The following MEP1B variants were observed in gnomAD, a reference collection of about 807,000 sequenced individuals.
The protein encoded by MEP1B is N-benzoyl-L-tyrosyl-P-amino-benzoic acid hydrolase subunit beta.
MEP1B carries 80 observed loss-of-function variants against 84.6 expected under a neutral mutation model. That is an observed-to-expected ratio of 0.95 (90% CI 0.79 to 1.14). MEP1B has a LOEUF of 1.14. MEP1B is among the 50% of genes most tolerant of loss of function. The probability of loss-of-function intolerance (pLI) is 0.00; values close to 1 mark genes in which losing one functional copy is unlikely to be tolerated. For missense variants in MEP1B, 766 were observed against 855.1 expected (o/e 0.90, Z 1.30); for synonymous variants, 273 against 288.1 (o/e 0.95, Z 0.53).
intron 5 of MEP1B, 65 bp from the exon 6 acceptor site, chr18:32,202,828 C>T (rs766448419): frequency 1.7e-4 from 165 of 989,634 alleles, no homozygotes; most frequent in Non-Finnish European, 2.4e-4. Flanking sequence ...TGGCCTGCTT[C>T]CATGGAAGAT....
chr18:32,210,415 C>T (rs2241891), intron 9 of MEP1B, 86 bp from the exon 10 acceptor site: 413,392 of 1,125,206 alleles, frequency 0.37, 81,182 homozygotes, highest in African/African-American at 0.65. Context: ...TTATGCCTCG[C>T]GTAAAGAATC....
Position 32,210,487 on chromosome 18 carries a change from CT to C in MEP1B, c.920-10del, listed in dbSNP as rs2041013609. 1 of 1,610,094 alleles carries C rather than the reference CT, an allele frequency of 6.2e-7. No homozygotes were observed. Among genetic ancestry groups the C allele is most frequent in the African/African-American group, 1.3e-5 (1 of 74,854 alleles). On this transcript the variant is annotated splice_polypyrimidine_tract_variant and intron_variant, in intron 9 of 14. Coordinates refer to ENST00000269202, the MANE Select transcript of MEP1B (RefSeq NM_005925.3). ...AGTATCTGTTTTTCTCTCAATTCTG[CT>C]TTTCTTTAACAGGTTCTGGTTTCTT...
intron 5 of MEP1B, among the ~76,000 whole-genome samples, chr18:32,195,763 C>T (rs558297849): frequency 2.0e-5 from 3 of 152,256 alleles, no homozygotes; most frequent in Non-Finnish European, 4.4e-5. Context: ...AGGGACATAA[C>T]GATTAGGGAG....
In MEP1B at chr18:32,192,813, A is replaced by G. The variant is rs985615647; in HGVS notation, c.167A>G (p.Asp56Gly). ...CTTTTTGAGGGTGACATCAGACTTG[A>G]TAGGGTGAGTTGAAACAGTATAAGG... is the stretch of plus-strand genomic sequence containing the variant. ...LDLFEGDIRL[D>G]RAQIRNSIIG... Residue 56 changes from aspartate (D) to glycine (G), a missense_variant, in exon 4 of 15, where the codon GAT becomes GGT. Physicochemically the swap from Asp to Gly is moderately conservative, Grantham distance 94. Coordinates refer to ENST00000269202, the MANE Select transcript of MEP1B (RefSeq NM_005925.3). The G allele has an allele frequency of 1.2e-6, 2 of 1,611,824 alleles. No homozygotes were observed. The highest frequency in any genetic ancestry group is 2.7e-5 in the African/African-American group (2 of 74,866).
At chr18:32,204,154 C>A (rs751059747) in intron 6 of MEP1B, 28 bp from the exon 7 acceptor site, 1 of 1,585,376 alleles carries the variant, frequency 6.3e-7, no homozygotes, top group South Asian at 1.1e-5. Flanking sequence ...ACATTCTCTT[C>A]CCCCTTTCTT....
chr18:32,210,075 A>G (rs1261798928), intron 9 of MEP1B, among the ~76,000 whole-genome samples: 1 of 152,124 alleles, frequency 6.6e-6, no homozygotes, highest in Non-Finnish European at 1.5e-5. Flanking sequence ...TTCCACTTGG[A>G]GCTGGACCAG....
rs956724294 is a variant in MEP1B, at chr18:32,196,339, C to T, written c.250+854C>T. On this transcript the variant is annotated intron_variant, in intron 5 of 14. Coordinates refer to ENST00000269202, the MANE Select transcript of MEP1B (RefSeq NM_005925.3). This position sits in a 1 kb window ranked among gnomAD's most constrained non-coding sequence, Gnocchi z 4.4. ...GTTGCGGTAGATCTCATGCATGGCG[C>T]GCCGCAGGGCCACGGCCAGCTGGGT... 6.4e-5 allele frequency: 45 copies of T among 702,384 alleles called. No individual in the cohort carries two copies. Among genetic ancestry groups the T allele is most frequent in the African/African-American group, 5.3e-4 (30 of 57,002 alleles). 43.5% of individuals were successfully genotyped at this position (702,384 alleles called of 1,614,324 possible).
chr18:32,216,069 A>G (rs962710661), intron 12 of MEP1B, among the ~76,000 whole-genome samples: 21 of 150,478 alleles, frequency 1.4e-4, no homozygotes, highest in African/African-American at 5.1e-4. Context: ...TAAATTTCTT[A>G]CACCTGGCAG....
At chr18:32,209,606 G>C (rs1248052080) in intron 9 of MEP1B, among the ~76,000 whole-genome samples, 1 of 152,106 alleles carries the variant, frequency 6.6e-6, no homozygotes, top group Non-Finnish European at 1.5e-5. Context: ...AGATAAGTGG[G>C]AGGTGCCTCT....
At chr18:32,204,064 G>GT (rs1187604288) in intron 6 of MEP1B, 118 bp from the exon 7 acceptor site, 1 of 813,696 alleles carries the variant, frequency 1.2e-6, no homozygotes, top group Non-Finnish European at 2.0e-6. Context: ...GTGTTCAGAT[G>GT]TAAGAGCAAA....
chr18:32,201,895 T>C (rs1346175202), intron 5 of MEP1B, among the ~76,000 whole-genome samples: 1 of 152,202 alleles, frequency 6.6e-6, no homozygotes, highest in Non-Finnish European at 1.5e-5. Context: ...TGAATGTCTA[T>C]GCAATGGTTA....
chr18:32,216,609 G>A (rs995319148), intron 12 of MEP1B, among the ~76,000 whole-genome samples: 11 of 152,240 alleles, frequency 7.2e-5, no homozygotes, highest in Non-Finnish European at 1.6e-4. Context: ...ATGTGGTTGA[G>A]TTGGAGCCCC....
At chr18:32,191,798 T>C (rs751890870) in intron 1 of MEP1B, 24 bp from the exon 2 acceptor site, 2 of 1,481,574 alleles carry the variant, frequency 1.3e-6, no homozygotes, top group Non-Finnish European at 1.8e-6. Context: ...AATAATATGT[T>C]TTGTTTATGT....
intron 6 of MEP1B, 72 bp downstream of exon 6, chr18:32,203,082 T>A: frequency 1.1e-6 from 1 of 877,250 alleles, no homozygotes; most frequent in Non-Finnish European, 1.8e-6. Flanking sequence ...ATTGCAGCAA[T>A]CATCCTAGGC....
Position 32,196,079 on chromosome 18 carries a change from G to A in MEP1B, c.250+594G>A. ...TTGGCAGCCCGGGGCTGGGAACCCA[G>A]GTCCTCTGGTGCCCCCGCTGGCTCG... On this transcript the variant is annotated intron_variant, in intron 5 of 14. Coordinates refer to ENST00000269202, the MANE Select transcript of MEP1B (RefSeq NM_005925.3). This position sits in a 1 kb window ranked among gnomAD's most constrained non-coding sequence, Gnocchi z 4.4. 2.2e-6 allele frequency: 1 copy of A among 459,220 alleles called. No individual in the cohort carries two copies. The highest frequency in any genetic ancestry group is 2.0e-5 in the South Asian group (1 of 49,300). The allele number at this position is 459,220 out of a possible 1,614,324, so 28.4% of individuals were successfully genotyped here.
At chr18:32,208,311 G>A (rs972874046) in intron 9 of MEP1B, 40 bp downstream of exon 9, 4 of 1,526,072 alleles carry the variant, frequency 2.6e-6, no homozygotes, top group Non-Finnish European at 3.6e-6. Context: ...ATACTCAGTG[G>A]CTACAGCCAC....
intron 11 of MEP1B, among the ~76,000 whole-genome samples, chr18:32,214,835 G>A (rs1043592613): frequency 6.6e-6 from 1 of 152,132 alleles, no homozygotes; most frequent in Non-Finnish European, 1.5e-5. Flanking sequence ...TGGTACCTAG[G>A]AAACTTCTGG....
intron 7 of MEP1B, 103 bp downstream of exon 7, chr18:32,204,463 G>T (rs1468194680): frequency 2.1e-6 from 2 of 962,468 alleles, no homozygotes; most frequent in African/African-American, 3.3e-5. Flanking sequence ...TTAAAACTTT[G>T]ATGTTTTGAT....
chr18:32,217,774 G>A lies in MEP1B; in HGVS notation c.1900G>A (p.Glu634Lys). 6.2e-7 allele frequency: 1 copy of A among 1,613,152 alleles called. No homozygotes were observed. Among genetic ancestry groups the A allele is most frequent in the Non-Finnish European group, 8.5e-7 (1 of 1,179,304 alleles). ...GKAECRCQSGEDWWYMGERCE... is the reference protein window; with the variant it reads ...GKAECRCQSGKDWWYMGERCE... ...CTCAACATGCAGGTGCCAGTCAGGGGAAGACTGGTGGTACATGGGAGAAAG... is the reference window on the plus strand; with the variant it reads ...CTCAACATGCAGGTGCCAGTCAGGGAAAGACTGGTGGTACATGGGAGAAAG... The change falls in exon 14 of 15, where the codon GAA becomes AAA. Residue 634 changes from glutamate to lysine, a missense_variant. Physicochemically the swap from Glu to Lys is moderately conservative, Grantham distance 56 (BLOSUM62 1). Coordinates refer to ENST00000269202, the MANE Select transcript of MEP1B (RefSeq NM_005925.3).
Sources: allele counts gnomAD v4.1 joint callset (sites outside exome capture counted in the v4.1 genomes callset), GRCh38; gene constraint gnomAD v4.1.1; non-coding constraint Gnocchi (gnomAD v3.1); transcripts MANE v1.5; gene names NCBI Gene and HGNC (gene_info 2026-07-23, HGNC 2026-07-21).